Variants in OSCP1 observed in about 807,000 individuals in gnomAD.
The protein encoded by OSCP1 is organic solute carrier partner 1, also known as protein OSCP1.
Under a neutral mutation model 45.1 loss-of-function variants are expected in OSCP1, and 35 were observed. That is an observed-to-expected ratio of 0.78 (90% CI 0.59 to 1.03). The LOEUF (loss-of-function observed/expected upper bound fraction) is 1.03, where lower values mean the gene tolerates loss of function less well. Ranked by LOEUF, OSCP1 falls within the 50% of genes least tolerant of loss-of-function variation. OSCP1 has a pLI of 0.00. For missense variants in OSCP1, 400 were observed against 470.7 expected, an observed-to-expected ratio of 0.85 and a Z score of 1.39; for synonymous variants, 179 against 180.1, an observed-to-expected ratio of 0.99 and a Z score of 0.05.
intron 8 of OSCP1, chr1:36,420,230 C>T (rs932520464): frequency 1.2e-5 from 4 of 345,496 alleles, no homozygotes; most frequent in Non-Finnish European, 2.0e-5. Flanking sequence ...CCTGCCTTGG[C>T]CTCCCAAAGT....
chr1:36,443,392 T>C (rs1649316875), intron 1 of OSCP1, among the ~76,000 whole-genome samples: 1 of 152,206 alleles, frequency 6.6e-6, no homozygotes, highest in Non-Finnish European at 1.5e-5. Context: ...GTATCTGAGA[T>C]TTATTTAAAG....
intron 1 of OSCP1, among the ~76,000 whole-genome samples, chr1:36,449,465 A>C (rs1040128222): frequency 6.6e-6 from 1 of 152,054 alleles, no homozygotes; most frequent in Non-Finnish European, 1.5e-5. Context: ...TAGAACACCA[A>C]ATTTCTAGAA....
chr1:36,425,172 CAAAAAAAAAA>C (rs60875318), intron 4 of OSCP1, among the ~76,000 whole-genome samples: 4 of 118,432 alleles, frequency 3.4e-5, no homozygotes, highest in African/African-American at 1.2e-4. Flanking sequence ...GACTCTGTCT[CAAAAAAAAAA>C]AAAAAAATGG....
intron 4 of OSCP1, among the ~76,000 whole-genome samples, chr1:36,425,466 G>A (rs1464503926): frequency 6.6e-6 from 1 of 152,196 alleles, no homozygotes; most frequent in Non-Finnish European, 1.5e-5. Context: ...TGGGTACAGT[G>A]GCTCACGCCA....
At chr1:36,435,352 G>T (rs897494853) in intron 2 of OSCP1, among the ~76,000 whole-genome samples, 4 of 151,480 alleles carry the variant, frequency 2.6e-5, no homozygotes, top group African/African-American at 9.7e-5. Context: ...TTGCTATGTT[G>T]CCCAGGCTGG....
chr1:36,425,239 A>G (rs1435134023), intron 4 of OSCP1, among the ~76,000 whole-genome samples: 1 of 151,994 alleles, frequency 6.6e-6, no homozygotes, highest in African/African-American at 2.4e-5. Context: ...ATGCAAAGCG[A>G]TAAGAATGTG....
At chr1:36,445,487 A>C (rs1236959861) in intron 1 of OSCP1, among the ~76,000 whole-genome samples, 2 of 152,254 alleles carry the variant, frequency 1.3e-5, no homozygotes, top group African/African-American at 4.8e-5. Context: ...TAATACCAAA[A>C]GCTCCCAAGA....
At chr1:36,434,977 G>C (rs971973968) in intron 2 of OSCP1, among the ~76,000 whole-genome samples, 1 of 151,846 alleles carries the variant, frequency 6.6e-6, no homozygotes, top group African/African-American at 2.4e-5. Flanking sequence ...CAGTAAATTG[G>C]GTCTCACAGC....
At chr1:36,425,811 A>G (rs954535870) in intron 4 of OSCP1, among the ~76,000 whole-genome samples, 2 of 152,298 alleles carry the variant, frequency 1.3e-5, no homozygotes, top group African/African-American at 4.8e-5. Flanking sequence ...TATTATTACA[A>G]GTCTATTTGG....
At chr1:36,419,159 C>T in intron 8 of OSCP1, 105 bp from the exon 9 acceptor site, 2 of 983,330 alleles carry the variant, frequency 2.0e-6, no homozygotes, top group East Asian at 2.4e-5. Flanking sequence ...TCTGCCTCAT[C>T]TGCCATTTCT....
Position 36,427,299 on chromosome 1 carries a change from C to CTTTTTTTTTTTTTTTTTTTT in OSCP1, c.517-3834_517-3833insAAAAAAAAAAAAAAAAAAAA, listed in dbSNP as rs71053929. 1.6e-4 allele frequency among the ~76,000 whole-genome samples: 15 copies of CTTTTTTTTTTTTTTTTTTTT among 96,306 alleles called. 1 individual carries two copies. Among genetic ancestry groups the CTTTTTTTTTTTTTTTTTTTT allele is most frequent in the African/African-American group, 5.3e-4 (11 of 20,826 alleles). 63.2% of individuals were successfully genotyped at this position (96,306 alleles called of 152,430 possible). ...ACAGGCGTGAGCCATGGCGCCTGGCCTTTTTTTTTTTTTTTGACACAGAGT... is the reference window on the plus strand; with the variant it reads ...ACAGGCGTGAGCCATGGCGCCTGGCCTTTTTTTTTTTTTTTTTTTTTTTTTTTTTTTTTTTGACACAGAGT... On this transcript the variant is annotated intron_variant, in intron 4 of 9. Transcript: ENST00000235532.
chr1:36,438,896 T>C lies in OSCP1; in HGVS notation c.127A>G (p.Ile43Val). 1 of 1,614,020 alleles carries C rather than the reference T, an allele frequency of 6.2e-7. No individual in the cohort carries two copies. ...AACTTTCTATTGAACATGGTGGAGA[T>C]GATGTCATTCAGAACTGCAGAGACA... is the stretch of plus-strand genomic sequence containing the variant. ...DKARKVLNDIISTMFNRKFME... is the reference protein window; with the variant it reads ...DKARKVLNDIVSTMFNRKFME... The change falls in exon 2 of 10, where the codon ATC (isoleucine) becomes GTC (valine). Residue 43 changes from isoleucine (I) to valine (V), a missense_variant. By Grantham distance (29) the Ile-to-Val change is conservative (BLOSUM62 3). Coordinates refer to ENST00000235532, the MANE Select transcript of OSCP1 (RefSeq NM_145047.5).
chr1:36,423,080 T>C (rs1466306031), intron 5 of OSCP1, among the ~76,000 whole-genome samples, 184 bp from the exon 6 acceptor site: 1 of 152,180 alleles, frequency 6.6e-6, no homozygotes, highest in Non-Finnish European at 1.5e-5. Flanking sequence ...TATGTGCCAA[T>C]TGCTTTGTAA....
At chr1:36,423,318 T>C in intron 5 of OSCP1, 45 bp downstream of exon 5, 2 of 1,474,650 alleles carry the variant, frequency 1.4e-6, no homozygotes, top group Non-Finnish European at 1.9e-6. Context: ...ATGTGCTGAT[T>C]TCCTAGCACC....
chr1:36,437,441 T>C (rs951184001), intron 2 of OSCP1, among the ~76,000 whole-genome samples: 3 of 152,208 alleles, frequency 2.0e-5, no homozygotes, highest in African/African-American at 4.8e-5. Flanking sequence ...GGTTTCTACA[T>C]TGCAGAGCTG....
intron 1 of OSCP1, among the ~76,000 whole-genome samples, chr1:36,446,897 T>TA (rs1201699173): frequency 6.6e-6 from 1 of 152,236 alleles, no homozygotes; most frequent in African/African-American, 2.4e-5. Context: ...GCCATTGCTT[T>TA]AAACAGGAGA....
In OSCP1 at chr1:36,417,999, C is replaced by T. The variant is rs1647374908; in HGVS notation, c.*140G>A. 5 of 640,782 alleles carry T rather than the reference C, an allele frequency of 7.8e-6. No individual in the cohort carries two copies. In the Admixed American group the frequency reaches 1.5e-4, roughly 19 times the overall value. 39.7% of individuals were successfully genotyped at this position (640,782 alleles called of 1,614,324 possible). A position where few individuals can be genotyped will look rare whatever the true frequency, so the allele number is the denominator to read the frequency against. Reference sequence around the variant, plus strand: ...TCCTCAAGGGAGACTCACACAGTTCCTTACAACATAAATAAGAAATAGACG... The same window carrying T: ...TCCTCAAGGGAGACTCACACAGTTCTTTACAACATAAATAAGAAATAGACG... On this transcript the variant is annotated 3_prime_UTR_variant, in exon 10 of 10. Coordinates refer to ENST00000235532, the MANE Select transcript of OSCP1 (RefSeq NM_145047.5).
At chr1:36,438,576 G>A (rs1179700131) in intron 2 of OSCP1, among the ~76,000 whole-genome samples, 180 bp downstream of exon 2, 1 of 152,186 alleles carries the variant, frequency 6.6e-6, no homozygotes, top group Non-Finnish European at 1.5e-5. Flanking sequence ...CAACAGAGGG[G>A]TTGTTGTGGA....
chr1:36,427,959 G>A lies in OSCP1; in HGVS notation c.516+3843C>T, dbSNP rs868566531. 1.3e-3 allele frequency among the ~76,000 whole-genome samples: 193 copies of A among 152,012 alleles called. 1 individual carries two copies. Among genetic ancestry groups the A allele is most frequent in the African/African-American group, 4.4e-3 (184 of 41,500 alleles). ...TTCCAGCACTTTGGGAGGCCGAGGC[G>A]GGTGGATTGCCTGAGGTCAGGAGTT... On this transcript the variant is annotated intron_variant, in intron 4 of 9. Coordinates refer to ENST00000235532, the MANE Select transcript of OSCP1 (RefSeq NM_145047.5).
Sources: allele counts gnomAD v4.1 joint callset (sites outside exome capture counted in the v4.1 genomes callset), GRCh38; gene constraint gnomAD v4.1.1; transcripts MANE v1.5; gene names NCBI Gene and HGNC (gene_info 2026-07-23, HGNC 2026-07-21).